Variants in NR5A2 observed in about 807,000 individuals in gnomAD.
The protein encoded by NR5A2 is nuclear receptor subfamily 5 group A member 2.
NR5A2 carries 26 observed loss-of-function variants against 62.7 expected under a neutral mutation model. The observed-to-expected ratio is 0.41, with a 90% CI of 0.30 to 0.58. NR5A2 has a LOEUF of 0.58. Ranked by LOEUF, NR5A2 falls within the 20% of genes least tolerant of loss-of-function variation. The pLI, the probability that NR5A2 is intolerant of heterozygous loss-of-function variation, is 0.22. For missense variants in NR5A2, 541 were observed against 669.1 expected (o/e 0.81, Z 2.11); for synonymous variants, 246 against 241.7 (o/e 1.02, Z -0.16).
intron 5 of NR5A2, among the ~76,000 whole-genome samples, chr1:200,052,188 CTACAA>C (rs1411969926): frequency 1.3e-5 from 2 of 152,128 alleles, no homozygotes; most frequent in African/African-American, 4.8e-5. Flanking sequence ...TGCCTACCTG[CTACAA>C]TTAAGGATAA....
chr1:200,081,988 C>T (rs1664317115), intron 5 of NR5A2, among the ~76,000 whole-genome samples: 2 of 152,062 alleles, frequency 1.3e-5, no homozygotes, highest in African/African-American at 4.8e-5. Context: ...ACCGCAGTGT[C>T]AGTGGGATTT....
At chr1:200,079,489 C>A (rs1280691738) in intron 5 of NR5A2, among the ~76,000 whole-genome samples, 2 of 152,224 alleles carry the variant, frequency 1.3e-5, no homozygotes, top group East Asian at 3.8e-4. Flanking sequence ...AGGTTAATGG[C>A]CCTGGAGCGA....
intron 5 of NR5A2, among the ~76,000 whole-genome samples, chr1:200,054,872 T>C (rs1194058551): frequency 6.6e-6 from 1 of 152,140 alleles, no homozygotes; most frequent in Non-Finnish European, 1.5e-5. Flanking sequence ...AATTTTAAGC[T>C]ATATTCTTTA....
intron 5 of NR5A2, among the ~76,000 whole-genome samples, chr1:200,079,495 A>G (rs904400828): frequency 7.2e-5 from 11 of 152,202 alleles, no homozygotes; most frequent in African/African-American, 2.7e-4. Context: ...ATGGCCCTGG[A>G]GCGATTCCAC....
In NR5A2 at chr1:200,066,016, G is replaced by A. The variant is rs142512417; in HGVS notation, c.1110+17198G>A. Among the ~76,000 whole-genome samples, 21 of 152,278 alleles carry A rather than the reference G, an allele frequency of 1.4e-4. No individual in the cohort carries two copies. The East Asian group carries it at 3.5e-3, about 25-fold the overall frequency. On this transcript the variant is annotated intron_variant, in intron 5 of 7. Transcript: ENST00000367362. ...GCTCCTGGAGGGCTTGGATTTTATT[G>A]TTTGGAATAGGAAGCCATAGGAGGA...
At chr1:200,156,660 G>T (rs1474969366) in intron 7 of NR5A2, among the ~76,000 whole-genome samples, 2 of 152,062 alleles carry the variant, frequency 1.3e-5, no homozygotes, top group Non-Finnish European at 2.9e-5. Flanking sequence ...GCCTCCCAAA[G>T]TGCTGGGATT....
intron 7 of NR5A2, among the ~76,000 whole-genome samples, chr1:200,157,766 C>G (rs559871860): frequency 7.9e-5 from 12 of 152,284 alleles, no homozygotes; most frequent in South Asian, 4.1e-4. Context: ...GTTCTCAACT[C>G]CAGAGACCCT....
chr1:200,167,138 T>A (rs1434851425), intron 7 of NR5A2, among the ~76,000 whole-genome samples: 1 of 152,208 alleles, frequency 6.6e-6, no homozygotes, highest in East Asian at 1.9e-4. Flanking sequence ...CCCAAATCTA[T>A]ACCTCCAGCC....
intron 7 of NR5A2, among the ~76,000 whole-genome samples, chr1:200,144,191 C>T (rs931447448): frequency 4.0e-5 from 6 of 151,162 alleles, no homozygotes; most frequent in Admixed American, 2.0e-4. Context: ...CAACCACCAC[C>T]GCCACCATCA....
intron 1 of NR5A2, chr1:200,029,272 C>T (rs995807168): frequency 5.5e-6 from 1 of 182,450 alleles, no homozygotes. Context: ...GTCTTGGGCT[C>T]CTGCTGCGCG....
At chr1:200,151,468 A>G (rs970985491) in intron 7 of NR5A2, among the ~76,000 whole-genome samples, 1 of 152,256 alleles carries the variant, frequency 6.6e-6, no homozygotes, top group Non-Finnish European at 1.5e-5. Context: ...ATTACTGTGT[A>G]CATCAAGTAA....
chr1:200,145,743 C>T (rs987194639), intron 7 of NR5A2, among the ~76,000 whole-genome samples: 8 of 152,098 alleles, frequency 5.3e-5, no homozygotes, highest in Non-Finnish European at 7.3e-5. Context: ...TCAGCCTCAG[C>T]CTCCTGAGTA....
At chr1:200,069,422 G>A (rs1663638628) in intron 5 of NR5A2, among the ~76,000 whole-genome samples, 1 of 151,946 alleles carries the variant, frequency 6.6e-6, no homozygotes, top group Non-Finnish European at 1.5e-5. Flanking sequence ...CACCATGCTT[G>A]GCTAATTTTT....
intron 7 of NR5A2, among the ~76,000 whole-genome samples, chr1:200,142,035 C>A (rs1667462506): frequency 6.6e-6 from 1 of 152,092 alleles, no homozygotes; most frequent in Admixed American, 6.6e-5. Flanking sequence ...GTTGGAGCCT[C>A]ACAGTCTACT....
intron 7 of NR5A2, among the ~76,000 whole-genome samples, chr1:200,150,138 A>G (rs1475761887): frequency 1.3e-5 from 2 of 152,220 alleles, no homozygotes; most frequent in African/African-American, 4.8e-5. Flanking sequence ...ACTCTCTCCT[A>G]TACTTCTTGT....
intron 7 of NR5A2, among the ~76,000 whole-genome samples, chr1:200,164,623 C>G (rs1653807657): frequency 6.6e-6 from 1 of 150,712 alleles, no homozygotes; most frequent in South Asian, 2.1e-4. Context: ...TCTCAGCTCA[C>G]TGCAACCTCC....
At chr1:200,163,468 C>T (rs1215951051) in intron 7 of NR5A2, among the ~76,000 whole-genome samples, 2 of 150,864 alleles carry the variant, frequency 1.3e-5, no homozygotes, top group South Asian at 2.1e-4. Context: ...GTGGGGGTGA[C>T]GGGCAATTTT....
chr1:200,148,631 A>G (rs1189234132), intron 7 of NR5A2, among the ~76,000 whole-genome samples: 3 of 152,256 alleles, frequency 2.0e-5, no homozygotes, highest in African/African-American at 7.2e-5. Flanking sequence ...AAAGAAGTTA[A>G]GTGAAGCGCA....
chr1:200,034,409 C>T (rs1174028701), intron 1 of NR5A2, among the ~76,000 whole-genome samples: 3 of 152,208 alleles, frequency 2.0e-5, no homozygotes, highest in Admixed American at 6.5e-5. Context: ...TTACATTCTT[C>T]TAAGGGCACC....
Sources: allele counts gnomAD v4.1 joint callset (sites outside exome capture counted in the v4.1 genomes callset), GRCh38; gene constraint gnomAD v4.1.1; transcripts MANE v1.5; gene names NCBI Gene and HGNC (gene_info 2026-07-23, HGNC 2026-07-21).